PTPN4: variants seen among roughly 807,000 people sequenced by gnomAD.
The protein encoded by PTPN4 is tyrosine-protein phosphatase non-receptor type 4.
PTPN4 carries 49 observed loss-of-function variants against 135.5 expected under a neutral mutation model. That is an observed-to-expected ratio of 0.36 (90% CI 0.29 to 0.46). The LOEUF is 0.46. Ranked by LOEUF, PTPN4 falls within the 20% of genes least tolerant of loss-of-function variation. The pLI, the probability that PTPN4 is intolerant of heterozygous loss-of-function variation, is 1.00. For missense variants in PTPN4, 860 were observed against 1,101.0 expected (o/e 0.78, Z 3.10); for synonymous variants, 333 against 369.9 (o/e 0.90, Z 1.14).
chr2:119,825,270 A>G (rs529614469), intron 2 of PTPN4, among the ~76,000 whole-genome samples: 1 of 152,180 alleles, frequency 6.6e-6, no homozygotes, highest in East Asian at 1.9e-4. Context: ...TTTTACTGGG[A>G]TATGGCCTTC....
rs548914986 is a variant in PTPN4, at chr2:119,885,739, C to T, written c.588-56C>T. ...ATAAATAGCCTTTTTCTAATTTAGC[C>T]ATATTTATTTGATTGATTGATTGAT... On this transcript the variant is annotated intron_variant, in intron 8 of 26. Coordinates refer to ENST00000263708, the MANE Select transcript of PTPN4 (RefSeq NM_002830.4). 4.1e-6 allele frequency: 5 copies of T among 1,225,576 alleles called. No individual in the cohort carries two copies. The East Asian group carries it at 7.3e-5, about 18-fold the overall frequency. The allele number at this position is 1,225,576 out of a possible 1,614,324, so 75.9% of individuals were successfully genotyped here. A position where few individuals can be genotyped will look rare whatever the true frequency, so the allele number is the denominator to read the frequency against.
Position 119,771,101 on chromosome 2 carries a change from C to T in PTPN4, c.-18+10717C>T, listed in dbSNP as rs185006158. On this transcript the variant is annotated intron_variant, in intron 1 of 26. Coordinates refer to ENST00000263708, the MANE Select transcript of PTPN4 (RefSeq NM_002830.4). ...TGTAACAAGTCTGATTACCTTGAGA[C>T]TCCCATGCTGTGAGGAAGCCCAAAC... Among the ~76,000 whole-genome samples, 85 of 152,308 alleles carry T rather than the reference C, an allele frequency of 5.6e-4. 2 individuals are homozygous for T. The highest frequency in any genetic ancestry group is 5.5e-3 in the Admixed American group (84 of 15,302).
At chr2:119,970,487 A>T (rs1679515700) in intron 26 of PTPN4, among the ~76,000 whole-genome samples, 1 of 151,624 alleles carries the variant, frequency 6.6e-6, no homozygotes, top group Non-Finnish European at 1.5e-5. Context: ...CCTCCAATCT[A>T]GGCAATCACC....
rs1455051347 is a variant in PTPN4, at chr2:119,888,044, A to T, written c.675+2162A>T. ...TTGTTTGTGTCATCTTAAATTTTTC[A>T]TCAGTGTTTTGTAGTTTTCCTTGTA... On this transcript the variant is annotated intron_variant, in intron 9 of 26. Coordinates refer to ENST00000263708, the MANE Select transcript of PTPN4 (RefSeq NM_002830.4). Among the ~76,000 whole-genome samples the T allele has an allele frequency of 3.3e-5, 5 of 152,076 alleles. No individual in the cohort carries two copies. In the East Asian group the frequency reaches 7.7e-4, roughly 23 times the overall value.
chr2:119,797,649 A>T (rs1207281819), intron 1 of PTPN4, among the ~76,000 whole-genome samples: 5 of 152,190 alleles, frequency 3.3e-5, no homozygotes, highest in Non-Finnish European at 7.3e-5. Flanking sequence ...GCATATGGTC[A>T]TGTCATTTGT....
intron 11 of PTPN4, among the ~76,000 whole-genome samples, chr2:119,917,703 C>T (rs574088141): frequency 2.6e-5 from 4 of 151,448 alleles, no homozygotes; most frequent in South Asian, 4.2e-4. Flanking sequence ...TACTCCAGCC[C>T]GGACAACAGA....
chr2:119,920,067 A>G lies in PTPN4; in HGVS notation c.829-2A>G. ...TTCTCTGCATTTTGTCATTTATTAC[A>G]GCATGAATCTAGAGAAACATTATTG... On this transcript the variant is annotated splice_acceptor_variant, in intron 11 of 26. Transcript: ENST00000263708. LOFTEE classifies it high-confidence loss of function. The G allele has an allele frequency of 6.2e-7, 1 of 1,600,366 alleles. No homozygotes were observed. The highest frequency in any genetic ancestry group is 8.5e-7 in the Non-Finnish European group (1 of 1,174,522).
At chr2:119,816,460 G>T (rs2104952729) in intron 2 of PTPN4, among the ~76,000 whole-genome samples, 1 of 152,224 alleles carries the variant, frequency 6.6e-6, no homozygotes, top group South Asian at 2.1e-4. Flanking sequence ...TTGGCACCAG[G>T]AACCGGTTTC....
At chr2:119,947,560 A>C (rs921630272) in intron 18 of PTPN4, among the ~76,000 whole-genome samples, 1 of 152,188 alleles carries the variant, frequency 6.6e-6, no homozygotes, top group Admixed American at 6.5e-5. Context: ...ATGCAATCAC[A>C]CCTCTACAGG....
In PTPN4 at chr2:119,981,863, G is replaced by T. The variant is rs1194395542; in HGVS notation, c.*4793G>T. 6.6e-6 allele frequency: 1 copy of T among 152,074 alleles called. No homozygotes were observed. Among genetic ancestry groups the T allele is most frequent in the Non-Finnish European group, 1.5e-5 (1 of 67,984 alleles). The allele number at this position is 152,074 out of a possible 1,614,324, so 9.4% of individuals were successfully genotyped here. ...ATTTCTGTTTGCATATAAATTTGCT[G>T]CTATTTATTTGTATGTTTTTCTACT... On this transcript the variant is annotated 3_prime_UTR_variant, in exon 27 of 27. Transcript: ENST00000263708.
intron 1 of PTPN4, among the ~76,000 whole-genome samples, chr2:119,807,446 C>G (rs1197017767): frequency 6.6e-6 from 1 of 152,168 alleles, no homozygotes; most frequent in Non-Finnish European, 1.5e-5. Context: ...ACTATAAACA[C>G]CTCTACGCAA....
chr2:119,796,495 A>G (rs1691263742), intron 1 of PTPN4, among the ~76,000 whole-genome samples: 1 of 152,058 alleles, frequency 6.6e-6, no homozygotes, highest in Non-Finnish European at 1.5e-5. Context: ...TTCTCATTGT[A>G]ATTATTTTTA....
chr2:119,837,106 C>T, intron 2 of PTPN4, among the ~76,000 whole-genome samples: 1 of 152,326 alleles, frequency 6.6e-6, no homozygotes, highest in East Asian at 1.9e-4. Context: ...AGTCCACAGC[C>T]TGGAGGGGGA....
chr2:119,788,251 G>T (rs1691080617), intron 1 of PTPN4, among the ~76,000 whole-genome samples: 1 of 152,072 alleles, frequency 6.6e-6, no homozygotes. Flanking sequence ...ATCCAATTGA[G>T]TGTATTTATT....
intron 1 of PTPN4, among the ~76,000 whole-genome samples, chr2:119,789,802 A>C (rs908720780): frequency 6.6e-6 from 1 of 151,414 alleles, no homozygotes; most frequent in Non-Finnish European, 1.5e-5. Context: ...GGCTCAGTGC[A>C]ACCTCTGCCT....
At chr2:119,900,646 T>C (rs1188283834) in intron 9 of PTPN4, 72 bp from the exon 10 acceptor site, 2 of 954,978 alleles carry the variant, frequency 2.1e-6, no homozygotes, top group Non-Finnish European at 3.0e-6. Flanking sequence ...AATAGAATCC[T>C]ATTTTTAAAA....
At chr2:119,953,021 A>G (rs1489686098) in intron 19 of PTPN4, among the ~76,000 whole-genome samples, 1 of 152,166 alleles carries the variant, frequency 6.6e-6, no homozygotes, top group Non-Finnish European at 1.5e-5. Flanking sequence ...GACAATAGCT[A>G]ATTTTACCAG....
At chr2:119,960,025 A>T (rs934498911) in intron 22 of PTPN4, among the ~76,000 whole-genome samples, 1 of 152,196 alleles carries the variant, frequency 6.6e-6, no homozygotes, top group Non-Finnish European at 1.5e-5. Flanking sequence ...TTTTTAAGCA[A>T]CAGTTTTACA....
intron 10 of PTPN4, among the ~76,000 whole-genome samples, chr2:119,904,943 G>T (rs1458963394): frequency 6.7e-6 from 1 of 149,254 alleles, no homozygotes; most frequent in Non-Finnish European, 1.5e-5. Flanking sequence ...GAACTATCAT[G>T]AAAACACACA....
Sources: allele counts gnomAD v4.1 joint callset (sites outside exome capture counted in the v4.1 genomes callset), GRCh38; gene constraint gnomAD v4.1.1; transcripts MANE v1.5; gene names NCBI Gene and HGNC (gene_info 2026-07-23, HGNC 2026-07-21).